Variants in IL1RL2 observed in about 807,000 individuals in gnomAD.
IL1RL2 encodes interleukin-1 receptor-like 2.
Under a neutral mutation model 66.8 loss-of-function variants are expected in IL1RL2, and 68 were observed. That is an observed-to-expected ratio of 1.02 (90% confidence interval 0.84 to 1.25). The LOEUF is 1.25. Among genes scored for constraint, IL1RL2 ranks in the 50% most tolerant of loss-of-function variants. IL1RL2 has a pLI of 0.00. For synonymous variants in IL1RL2, 305 were observed against 264.6 expected (o/e 1.15, Z -1.48); for missense variants, 729 against 709.3 (o/e 1.03, Z -0.32).
intron 8 of IL1RL2, among the ~76,000 whole-genome samples, chr2:102,224,090 C>A (rs1015573416): frequency 4.8e-4 from 73 of 152,270 alleles, no homozygotes; most frequent in Non-Finnish European, 8.5e-4. Context: ...TACAACACGG[C>A]GTGGCCTAGG....
At chr2:102,186,998 CT>C (rs1269823000), upstream of IL1RL2, 1 of 1,289,222 alleles carries the variant, frequency 7.8e-7, no homozygotes. Context: ...GGGGAAATAC[CT>C]AGGCATGGAA....
intron 4 of IL1RL2, among the ~76,000 whole-genome samples, chr2:102,199,963 A>C (rs1032195120): frequency 1.3e-5 from 2 of 152,130 alleles, no homozygotes; most frequent in East Asian, 3.9e-4. Context: ...GTTCGAGACC[A>C]GCCTGGGCTT....
At chr2:102,215,563 C>T (rs111636054) in intron 6 of IL1RL2, among the ~76,000 whole-genome samples, 27 of 152,080 alleles carry the variant, frequency 1.8e-4, no homozygotes, top group African/African-American at 5.8e-4. Context: ...GGTGTACATA[C>T]TCACCCTCAT....
intron 6 of IL1RL2, among the ~76,000 whole-genome samples, chr2:102,217,234 A>G (rs945850517): frequency 2.0e-5 from 3 of 152,156 alleles, no homozygotes; most frequent in African/African-American, 7.2e-5. Flanking sequence ...TGCTGGGTAT[A>G]GTATTCTTGG....
chr2:102,222,023 C>T (rs758872859), intron 8 of IL1RL2, among the ~76,000 whole-genome samples: 1 of 152,198 alleles, frequency 6.6e-6, no homozygotes, highest in African/African-American at 2.4e-5. Flanking sequence ...TGATCCTCCC[C>T]TCCTGATAAT....
chr2:102,229,261 T>C (rs1311291552), intron 9 of IL1RL2, among the ~76,000 whole-genome samples: 1 of 152,232 alleles, frequency 6.6e-6, no homozygotes, highest in Non-Finnish European at 1.5e-5. Context: ...TAGACTCTGC[T>C]TCTTTGCTAG....
intron 3 of IL1RL2, among the ~76,000 whole-genome samples, chr2:102,191,017 A>T (rs1397300658): frequency 6.6e-6 from 1 of 152,220 alleles, no homozygotes; most frequent in Non-Finnish European, 1.5e-5. Flanking sequence ...TTGCAGGAAT[A>T]GTATCAAGAA....
intron 8 of IL1RL2, among the ~76,000 whole-genome samples, chr2:102,224,582 C>G (rs12468673): frequency 0.16 from 23,509 of 151,626 alleles, 2,238 homozygotes; most frequent in Admixed American, 0.28. Context: ...AGTGGTGAAG[C>G]GGGGATAAAG....
Position 102,219,924 on chromosome 2 carries a change from A to T in IL1RL2, c.898A>T (p.Ile300Phe). Residue 300 changes from isoleucine to phenylalanine, a missense_variant, in exon 8 of 12, where the codon ATC (isoleucine) becomes TTC (phenylalanine). By Grantham distance (21) the Ile-to-Phe change is conservative. Transcript: ENST00000264257. ...FREHNLYTVN[I>F]TFLEVKMEDY... ...GGAACATAATTTGTACACAGTAAAC[A>T]TCACCTTCTTGGAAGTGAAAATGGA... 5.0e-6 allele frequency: 8 copies of T among 1,613,736 alleles called. No homozygotes were observed. The highest frequency in any genetic ancestry group is 6.8e-6 in the Non-Finnish European group (8 of 1,179,640).
At chr2:102,190,455 A>G (rs749938651) in intron 3 of IL1RL2, among the ~76,000 whole-genome samples, 22 of 152,162 alleles carry the variant, frequency 1.4e-4, no homozygotes, top group Non-Finnish European at 2.5e-4. Context: ...ATCAGGTGTG[A>G]AGTAGGTACT....
chr2:102,188,260 G>T (rs751149113), intron 2 of IL1RL2, among the ~76,000 whole-genome samples: 15 of 152,158 alleles, frequency 9.9e-5, no homozygotes, highest in Non-Finnish European at 5.9e-5. Flanking sequence ...GTGAAAGCAA[G>T]GAAACCGTCA....
chr2:102,230,606 G>A (rs1265757056), intron 9 of IL1RL2, among the ~76,000 whole-genome samples: 5 of 152,254 alleles, frequency 3.3e-5, no homozygotes, highest in Non-Finnish European at 7.3e-5. Flanking sequence ...TCCAGTGGCT[G>A]AGGGCAGGGC....
intron 8 of IL1RL2, 86 bp from the exon 9 acceptor site, chr2:102,225,812 T>C (rs1357691818): frequency 9.8e-7 from 1 of 1,016,370 alleles, no homozygotes; most frequent in Non-Finnish European, 1.3e-6. Flanking sequence ...ATTCATAATG[T>C]GATCTGTATT....
chr2:102,198,248 T>C (rs1687949943), intron 4 of IL1RL2, among the ~76,000 whole-genome samples: 1 of 152,206 alleles, frequency 6.6e-6, no homozygotes, highest in Admixed American at 6.5e-5. Context: ...AATTTAATTT[T>C]AAGAATTTTG....
In IL1RL2 at chr2:102,239,390, G is replaced by A. The variant is rs1675136779; in HGVS notation, c.*149G>A. 3 of 706,282 alleles carry A rather than the reference G, an allele frequency of 4.2e-6. No individual in the cohort carries two copies. The allele number at this position is 706,282 out of a possible 1,614,324, so 43.8% of individuals were successfully genotyped here. A position where few individuals can be genotyped will look rare whatever the true frequency, so the allele number is the denominator to read the frequency against. On this transcript the variant is annotated 3_prime_UTR_variant, in exon 12 of 12. Coordinates refer to ENST00000264257, the MANE Select transcript of IL1RL2 (RefSeq NM_003854.4). ...TCAGGCGTAGAGAAGAGGAGGATGGGATAAGAACTGGGGCCATCCCCATGT... is the reference window on the plus strand; with the variant it reads ...TCAGGCGTAGAGAAGAGGAGGATGGAATAAGAACTGGGGCCATCCCCATGT...
intron 2 of IL1RL2, among the ~76,000 whole-genome samples, chr2:102,188,804 T>A (rs373557628): frequency 5.3e-4 from 81 of 152,048 alleles, no homozygotes; most frequent in African/African-American, 1.9e-3. Flanking sequence ...CTAAGGGTCG[T>A]AGAATAGAAG....
intron 6 of IL1RL2, among the ~76,000 whole-genome samples, chr2:102,218,348 A>G (rs1689792780): frequency 6.6e-6 from 1 of 152,202 alleles, no homozygotes; most frequent in African/African-American, 2.4e-5. Flanking sequence ...TACTAAGCTC[A>G]TGGGACAAAG....
At chr2:102,225,105 T>A (rs1690484507) in intron 8 of IL1RL2, among the ~76,000 whole-genome samples, 1 of 152,204 alleles carries the variant, frequency 6.6e-6, no homozygotes, top group African/African-American at 2.4e-5. Context: ...GGGTTTGGGC[T>A]GCGGTGAGGC....
At chr2:102,234,828 T>C in intron 10 of IL1RL2, 69 bp from the exon 11 acceptor site, 2 of 1,399,496 alleles carry the variant, frequency 1.4e-6, no homozygotes, top group Non-Finnish European at 9.8e-7. Flanking sequence ...TTTCAAACAT[T>C]CTCACTAGCA....
Sources: allele counts gnomAD v4.1 joint callset (sites outside exome capture counted in the v4.1 genomes callset), GRCh38; gene constraint gnomAD v4.1.1; transcripts MANE v1.5; gene names NCBI Gene and HGNC (gene_info 2026-07-23, HGNC 2026-07-21).